The following PATJ variants were observed in gnomAD, a reference collection of about 807,000 sequenced individuals.
The protein encoded by PATJ is PATJ crumbs cell polarity complex component, also known as inaD-like protein.
PATJ carries 190 observed loss-of-function variants against 224.9 expected under a neutral mutation model. The observed-to-expected ratio is 0.84, with a 90% CI of 0.75 to 0.95. PATJ has a LOEUF of 0.95. Ranked by LOEUF, PATJ falls within the 40% of genes least tolerant of loss-of-function variation. PATJ has a pLI of 0.00. For synonymous variants in PATJ, 769 were observed against 820.3 expected (o/e 0.94, Z 1.07); for missense variants, 2,121 against 2,270.3 (o/e 0.93, Z 1.34).
At chr1:62,117,262 C>G (rs534682983) in intron 37 of PATJ, 44 bp downstream of exon 37, 8 of 1,611,564 alleles carry the variant, frequency 5.0e-6, no homozygotes, top group Non-Finnish European at 6.8e-6. Flanking sequence ...CTTCTGCCCC[C>G]ACTGGGAGAA....
chr1:61,901,304 A>G lies in PATJ; in HGVS notation c.3226A>G (p.Asn1076Asp), dbSNP rs771491747. 1 of 1,537,400 alleles carries G rather than the reference A, an allele frequency of 6.5e-7. No individual in the cohort carries two copies. Among genetic ancestry groups the G allele is most frequent in the African/African-American group, 1.4e-5 (1 of 69,726 alleles). Reference sequence around the variant, plus strand: ...TAGTGTTGAGATTTTTAGAGAACCCAATGTGTCTCTTGGGATCAGTATTGT... The same window carrying G: ...TAGTGTTGAGATTTTTAGAGAACCCGATGTGTCTCTTGGGATCAGTATTGT... ...PRIVEIFREPNVSLGISIVGG... is the reference protein window; with the variant it reads ...PRIVEIFREPDVSLGISIVGG... The change falls in exon 24 of 44, where the codon AAT becomes GAT. Residue 1076 changes from asparagine (N) to aspartate (D), a missense_variant. Transcript: ENST00000642238.
chr1:61,788,216 A>C (rs1306575225), intron 8 of PATJ, among the ~76,000 whole-genome samples: 1 of 152,186 alleles, frequency 6.6e-6, no homozygotes, highest in African/African-American at 2.4e-5. Flanking sequence ...AAGAATAATA[A>C]TACTTGCCTT....
chr1:61,924,461 C>G (rs1322983276), intron 26 of PATJ, among the ~76,000 whole-genome samples: 2 of 152,166 alleles, frequency 1.3e-5, no homozygotes, highest in African/African-American at 4.8e-5. Context: ...CACATATTCT[C>G]TTTCTTCAAG....
At chr1:62,096,882 G>T (rs1661457319) in intron 33 of PATJ, among the ~76,000 whole-genome samples, 1 of 152,146 alleles carries the variant, frequency 6.6e-6, no homozygotes, top group Non-Finnish European at 1.5e-5. Flanking sequence ...CTCCCAAAGT[G>T]CTGGGATTAC....
At chr1:61,836,548 C>T (rs553596659) in intron 17 of PATJ, among the ~76,000 whole-genome samples, 3 of 152,168 alleles carry the variant, frequency 2.0e-5, no homozygotes, top group African/African-American at 7.2e-5. Context: ...TTAAGTCAGT[C>T]TTAAGTGTAC....
intron 20 of PATJ, among the ~76,000 whole-genome samples, chr1:61,871,855 C>T (rs1197545562): frequency 6.8e-6 from 1 of 147,474 alleles, no homozygotes. Context: ...TGAGCCACCA[C>T]GTCTGGCTTT....
intron 28 of PATJ, among the ~76,000 whole-genome samples, chr1:62,017,100 A>G (rs959963943): frequency 2.6e-5 from 4 of 152,198 alleles, no homozygotes; most frequent in Non-Finnish European, 5.9e-5. Flanking sequence ...TTGAATCTCT[A>G]CTACAAAGAA....
intron 6 of PATJ, among the ~76,000 whole-genome samples, chr1:61,774,396 T>G (rs1053784193): frequency 6.6e-6 from 1 of 152,234 alleles, no homozygotes; most frequent in Non-Finnish European, 1.5e-5. Flanking sequence ...ACATTTCTTA[T>G]AGAAACCTGC....
At chr1:62,154,221 AT>A (rs1300253749) in intron 43 of PATJ, among the ~76,000 whole-genome samples, 4 of 151,922 alleles carry the variant, frequency 2.6e-5, no homozygotes, top group Admixed American at 1.3e-4. Context: ...AACTTCACTG[AT>A]TTTTTTAATT....
At chr1:61,897,661 C>A (rs1670569851) in intron 22 of PATJ, among the ~76,000 whole-genome samples, 1 of 152,206 alleles carries the variant, frequency 6.6e-6, no homozygotes, top group Non-Finnish European at 1.5e-5. Context: ...GAAGTCTCAT[C>A]TAGGGACTTT....
In PATJ at chr1:62,038,054, G is replaced by A. The variant is rs1570253036; in HGVS notation, c.4032+5G>A. On this transcript the variant is annotated splice_donor_5th_base_variant and intron_variant, in intron 30 of 43. Transcript: ENST00000642238. The stretch of plus-strand genomic sequence containing the variant: ...AGTTCTCCATCTTCTATTGAGGTAA[G>A]GTTGTTTCTAATTAGCTCTTAGTAT... The A allele has an allele frequency of 1.3e-6, 2 of 1,574,890 alleles. No individual in the cohort carries two copies. The highest frequency in any genetic ancestry group is 1.2e-5 in the South Asian group (1 of 86,632).
At chr1:62,065,235 T>G (rs1251143485) in intron 31 of PATJ, among the ~76,000 whole-genome samples, 1 of 152,196 alleles carries the variant, frequency 6.6e-6, no homozygotes, top group Non-Finnish European at 1.5e-5. Flanking sequence ...ATGAAGATAA[T>G]GTAGAGACAC....
chr1:61,918,454 T>C (rs898016657), intron 26 of PATJ, among the ~76,000 whole-genome samples: 2 of 151,702 alleles, frequency 1.3e-5, no homozygotes, highest in African/African-American at 4.8e-5. Context: ...ATTACAGGCA[T>C]GCGCCACCAT....
intron 27 of PATJ, among the ~76,000 whole-genome samples, chr1:61,947,746 C>A (rs1039480349): frequency 1.3e-5 from 2 of 152,088 alleles, no homozygotes; most frequent in Non-Finnish European, 2.9e-5. Flanking sequence ...AAAAAGAGCC[C>A]GCATTGCCAA....
chr1:61,885,819 C>T (rs1378502780), intron 22 of PATJ, among the ~76,000 whole-genome samples: 1 of 151,652 alleles, frequency 6.6e-6, no homozygotes, highest in Non-Finnish European at 1.5e-5. Flanking sequence ...AAATGTGACA[C>T]ATATACACCA....
At chr1:62,024,109 G>T (rs975435337) in intron 29 of PATJ, among the ~76,000 whole-genome samples, 2 of 152,054 alleles carry the variant, frequency 1.3e-5, no homozygotes, top group African/African-American at 2.4e-5. Context: ...CTAATATTTT[G>T]TTGATGATTT....
intron 39 of PATJ, among the ~76,000 whole-genome samples, chr1:62,125,567 T>C (rs77057263): frequency 0.047 from 7,084 of 152,238 alleles, 524 homozygotes; most frequent in African/African-American, 0.15. Flanking sequence ...CAACAGTATA[T>C]ATAATTATAG....
intron 6 of PATJ, among the ~76,000 whole-genome samples, chr1:61,773,603 A>G (rs1283183477): frequency 2.0e-5 from 3 of 151,422 alleles, no homozygotes; most frequent in African/African-American, 7.3e-5. Flanking sequence ...CCTGGTCAAC[A>G]TGGTGAAACC....
intron 28 of PATJ, chr1:61,991,523 C>T (rs546609910): frequency 2.0e-6 from 2 of 985,348 alleles, no homozygotes; most frequent in Middle Eastern, 5.2e-4. Context: ...CATAATTTTA[C>T]TTGCCTAATA....
Sources: allele counts gnomAD v4.1 joint callset (sites outside exome capture counted in the v4.1 genomes callset), GRCh38; gene constraint gnomAD v4.1.1; transcripts MANE v1.5; gene names NCBI Gene and HGNC (gene_info 2026-07-23, HGNC 2026-07-21).